Variants in ANXA4 observed in about 807,000 individuals in gnomAD.
The protein encoded by ANXA4 is annexin A4, also known as 35-beta calcimedin.
ANXA4 carries 39 observed loss-of-function variants against 49.8 expected under a neutral mutation model. The observed-to-expected ratio is 0.78, with a 90% CI of 0.61 to 1.02. The LOEUF is 1.02. Ranked by LOEUF, ANXA4 falls within the 50% of genes least tolerant of loss-of-function variation. The probability of loss-of-function intolerance (pLI) is 0.00; values close to 1 mark genes in which losing one functional copy is unlikely to be tolerated. For synonymous variants in ANXA4, 134 were observed against 152.5 expected (o/e 0.88, Z 0.89); for missense variants, 360 against 410.1 (o/e 0.88, Z 1.05).
At chr2:69,709,962 G>T (rs1401366193) in intron 2 of ANXA4, among the ~76,000 whole-genome samples, 1 of 150,122 alleles carries the variant, frequency 6.7e-6, no homozygotes, top group African/African-American at 2.5e-5. Flanking sequence ...CACTTATTAT[G>T]GCAGCATGCA....
chr2:69,659,337 A>G (rs1235869503), intron 2 of ANXA4, among the ~76,000 whole-genome samples: 2 of 152,210 alleles, frequency 1.3e-5, no homozygotes, highest in Admixed American at 6.5e-5. Flanking sequence ...GCTATTTATT[A>G]CTTATTTTGA....
At chr2:69,743,268 A>G (rs1670472868) in intron 1 of ANXA4, among the ~76,000 whole-genome samples, 1 of 151,942 alleles carries the variant, frequency 6.6e-6, no homozygotes, top group East Asian at 1.9e-4. Context: ...CCCAGGCTGG[A>G]GCGCAGTGAT....
intron 1 of ANXA4, among the ~76,000 whole-genome samples, chr2:69,763,983 C>T (rs1671403220): frequency 6.6e-6 from 1 of 152,068 alleles, no homozygotes; most frequent in Non-Finnish European, 1.5e-5. Flanking sequence ...TGACGTGGTC[C>T]TCTTCTTTTA....
chr2:69,748,014 A>G (rs1001877183), intron 1 of ANXA4, among the ~76,000 whole-genome samples: 1 of 152,008 alleles, frequency 6.6e-6, no homozygotes, highest in Non-Finnish European at 1.5e-5. Context: ...ACTGTGGGGG[A>G]CAAGAGAACG....
intron 9 of ANXA4, 100 bp from the exon 10 acceptor site, chr2:69,818,499 A>T (rs1674096217): frequency 4.4e-6 from 3 of 679,444 alleles, no homozygotes; most frequent in Non-Finnish European, 4.8e-6. Flanking sequence ...TATGCCAAAG[A>T]ATAAATAGTG....
At chr2:69,727,180 C>T (rs1167434229) in intron 3 of ANXA4, among the ~76,000 whole-genome samples, 3 of 152,208 alleles carry the variant, frequency 2.0e-5, no homozygotes, top group Admixed American at 2.0e-4. Context: ...AGCCTCGTTT[C>T]ACTATTGATG....
intron 1 of ANXA4, among the ~76,000 whole-genome samples, chr2:69,769,078 T>G (rs565307910): frequency 1.5e-4 from 23 of 152,214 alleles, no homozygotes; most frequent in Non-Finnish European, 2.6e-4. Context: ...ATTGGGTACT[T>G]CATTATATCT....
At chr2:69,694,296 G>A (rs1678080245) in intron 2 of ANXA4, among the ~76,000 whole-genome samples, 1 of 151,866 alleles carries the variant, frequency 6.6e-6, no homozygotes. Context: ...GAAGCAGAAA[G>A]TAAGCCCTCA....
rs565983686 is a variant in ANXA4, at chr2:69,728,488, GTTC to G, written n.864+7622_864+7624del. Among the ~76,000 whole-genome samples, 263 of 152,228 alleles carry G rather than the reference GTTC, an allele frequency of 1.7e-3. 1 individual carries two copies. The highest frequency in any genetic ancestry group is 6.1e-3 in the African/African-American group (253 of 41,536). ...AGGTCATGAAGATATTAACCTATGT[GTTC>G]TTCTAAAAATGTGTTTTCCTTTTCA... On this transcript the variant is annotated intron_variant and non_coding_transcript_variant, in intron 3 of 3. Coordinates refer to the ANXA4 transcript ENST00000418066.
chr2:69,784,160 G>C (rs1672317855), intron 2 of ANXA4, among the ~76,000 whole-genome samples: 1 of 152,120 alleles, frequency 6.6e-6, no homozygotes, highest in African/African-American at 2.4e-5. Flanking sequence ...AGAATTCCCT[G>C]TCTTCCCAGA....
intron 2 of ANXA4, among the ~76,000 whole-genome samples, chr2:69,719,222 C>A (rs1431199819): frequency 1.3e-5 from 2 of 148,516 alleles, no homozygotes; most frequent in Non-Finnish European, 3.0e-5. Context: ...GCCACACCCC[C>A]ATTTTTACAG....
intron 2 of ANXA4, among the ~76,000 whole-genome samples, chr2:69,707,293 A>G (rs1195403310): frequency 6.6e-6 from 1 of 152,198 alleles, no homozygotes; most frequent in Non-Finnish European, 1.5e-5. Context: ...TTATTGGTTT[A>G]TCCAATCTTT....
In ANXA4 at chr2:69,653,695, T is replaced by C. The variant is rs1166222265; in HGVS notation, n.766+413T>C. 2.0e-5 allele frequency among the ~76,000 whole-genome samples: 3 copies of C among 152,214 alleles called. No individual in the cohort carries two copies. In the East Asian group the frequency reaches 5.8e-4, roughly 29 times the overall value. On this transcript the variant is annotated intron_variant and non_coding_transcript_variant, in intron 2 of 3. Coordinates refer to the ANXA4 transcript ENST00000418066. ...AGCTGAGAACTCTTAAAAATGACTG[T>C]CTTTCCCCTAGAGGGTATTTTGGAG...
In ANXA4 at chr2:69,819,320, G is replaced by T; in HGVS notation, c.765G>T (p.Lys255Asn). The T allele has an allele frequency of 6.2e-7, 1 of 1,607,974 alleles. No homozygotes were observed. The highest frequency in any genetic ancestry group is 8.5e-7 in the Non-Finnish European group (1 of 1,176,592). ...MRNKSAYFAE[K>N]LYKSMKGLGT... ...ACAAATCTGCATATTTTGCTGAAAAGCTCTATAAATCGATGAAGGTAAATG... is the reference window on the plus strand; with the variant it reads ...ACAAATCTGCATATTTTGCTGAAAATCTCTATAAATCGATGAAGGTAAATG... The change falls in exon 11 of 13, where the codon AAG becomes AAT. Residue 255 changes from lysine to asparagine, a missense_variant. Coordinates refer to ENST00000394295, the MANE Select transcript of ANXA4 (RefSeq NM_001153.5).
intron 3 of ANXA4, among the ~76,000 whole-genome samples, chr2:69,792,609 GT>G (rs200043569): frequency 1.3e-5 from 2 of 150,636 alleles, no homozygotes; most frequent in Non-Finnish European, 3.0e-5. Context: ...GATTTTTACA[GT>G]TTTTTTTTAC....
At chr2:69,669,924 G>T (rs1429911688) in intron 2 of ANXA4, among the ~76,000 whole-genome samples, 1 of 152,128 alleles carries the variant, frequency 6.6e-6, no homozygotes, top group African/African-American at 2.4e-5. Flanking sequence ...CCAGCAGACT[G>T]CCCTTGAAAG....
intron 1 of ANXA4, among the ~76,000 whole-genome samples, chr2:69,646,568 A>G (rs2105291038): frequency 6.6e-6 from 1 of 152,358 alleles, no homozygotes; most frequent in Non-Finnish European, 1.5e-5. Context: ...GTGGGAAAAG[A>G]AAGTGCCATT....
chr2:69,793,580 C>G (rs1672792249), intron 3 of ANXA4, among the ~76,000 whole-genome samples: 1 of 152,108 alleles, frequency 6.6e-6, no homozygotes, highest in Non-Finnish European at 1.5e-5. Context: ...TTGCCAATGT[C>G]CCAATTGGAT....
chr2:69,652,489 A>C (rs1676288781), intron 1 of ANXA4, among the ~76,000 whole-genome samples: 1 of 152,242 alleles, frequency 6.6e-6, no homozygotes, highest in Non-Finnish European at 1.5e-5. Context: ...ATCTCTAGTC[A>C]GATGACTTCT....
Sources: allele counts gnomAD v4.1 joint callset (sites outside exome capture counted in the v4.1 genomes callset), GRCh38; gene constraint gnomAD v4.1.1; transcripts MANE v1.5; gene names NCBI Gene and HGNC (gene_info 2026-07-23, HGNC 2026-07-21).